Variants in PDE1A observed in about 807,000 individuals in gnomAD.
PDE1A encodes dual specificity calcium/calmodulin-dependent 3',5'-cyclic nucleotide phosphodiesterase 1A.
Under a neutral mutation model 61.7 loss-of-function variants are expected in PDE1A, and 35 were observed. That is an observed-to-expected ratio of 0.57 (90% confidence interval 0.43 to 0.75). PDE1A has a LOEUF of 0.75. Among genes scored for constraint, PDE1A ranks in the 30% least tolerant of loss-of-function variants. PDE1A has a pLI of 0.00. For synonymous variants in PDE1A, 232 were observed against 213.2 expected, an observed-to-expected ratio of 1.09 and a Z score of -0.77; for missense variants, 597 against 630.6, an observed-to-expected ratio of 0.95 and a Z score of 0.57.
the PDE1A span, among the ~76,000 whole-genome samples, chr2:182,625,141 G>A: frequency 6.6e-6 from 1 of 152,170 alleles, no homozygotes; most frequent in African/African-American, 2.4e-5. Context: ...ACTGCAAGAA[G>A]GTGGCTGTGT....
chr2:182,649,983 A>G, the PDE1A span, among the ~76,000 whole-genome samples: 4 of 152,010 alleles, frequency 2.6e-5, no homozygotes, highest in Admixed American at 1.3e-4. Context: ...GAAGGTTGAG[A>G]TAAGAGGATC....
intron 2 of PDE1A, among the ~76,000 whole-genome samples, chr2:182,247,133 A>T (rs1249911235): frequency 6.6e-6 from 1 of 152,160 alleles, no homozygotes; most frequent in African/African-American, 2.4e-5. Context: ...CTTTAGATTA[A>T]GTTGTTCCTG....
chr2:182,499,172 T>TG (rs1442620339), intron 2 of PDE1A, among the ~76,000 whole-genome samples: 1 of 111,228 alleles, frequency 9.0e-6, no homozygotes, highest in African/African-American at 3.8e-5. Context: ...CTCTTTTTCT[T>TG]GTTTTTTTTT....
At chr2:182,234,619 C>CT in intron 3 of PDE1A, 121 bp from the exon 4 acceptor site, 1 of 633,212 alleles carries the variant, frequency 1.6e-6, no homozygotes, top group Non-Finnish European at 2.8e-6. Context: ...TAGTTACAGA[C>CT]TCCCTTTGTG....
chr2:182,624,124 C>CAAAA, the PDE1A span, among the ~76,000 whole-genome samples: 8 of 109,752 alleles, frequency 7.3e-5, no homozygotes, highest in East Asian at 2.5e-4. Flanking sequence ...GACTCCGTCT[C>CAAAA]AAAAAAAAAA....
intron 1 of PDE1A, among the ~76,000 whole-genome samples, chr2:182,336,325 C>T (rs1263827638): frequency 6.6e-6 from 1 of 152,080 alleles, no homozygotes; most frequent in African/African-American, 2.4e-5. Context: ...ACACATATGT[C>T]TATTGTGGCC....
the PDE1A span, among the ~76,000 whole-genome samples, chr2:182,607,662 T>C: frequency 6.6e-6 from 1 of 152,170 alleles, no homozygotes. Flanking sequence ...TGTTCAGGGG[T>C]CAACTGCGTG....
At chr2:182,386,821 C>T (rs922258675) in intron 1 of PDE1A, among the ~76,000 whole-genome samples, 3 of 151,142 alleles carry the variant, frequency 2.0e-5, no homozygotes, top group South Asian at 2.1e-4. Flanking sequence ...TCCACCCGGC[C>T]GCCGCCCCGT....
chr2:182,321,410 C>A (rs992669210), intron 1 of PDE1A, among the ~76,000 whole-genome samples: 9 of 152,164 alleles, frequency 5.9e-5, no homozygotes, highest in Non-Finnish European at 7.3e-5. Context: ...TACAAATCAA[C>A]ATGTAGCTAT....
intron 1 of PDE1A, among the ~76,000 whole-genome samples, chr2:182,364,392 C>A (rs55856825): frequency 7.6e-6 from 1 of 131,200 alleles, no homozygotes; most frequent in East Asian, 2.3e-4. Flanking sequence ...TCTCAGTAAT[C>A]TTAAACTCTA....
chr2:182,150,259 T>C (rs1690706392), intron 13 of PDE1A, among the ~76,000 whole-genome samples: 2 of 152,222 alleles, frequency 1.3e-5, no homozygotes, highest in Non-Finnish European at 2.9e-5. Context: ...TGACCCTCTC[T>C]ATATAACTCT....
intron 2 of PDE1A, among the ~76,000 whole-genome samples, chr2:182,257,700 G>A (rs1431077298): frequency 1.3e-5 from 2 of 152,074 alleles, no homozygotes; most frequent in Non-Finnish European, 2.9e-5. Context: ...ATTTTGATTG[G>A]CCCCTATCTT....
At chr2:182,172,642 G>A (rs1692338730) in intron 13 of PDE1A, among the ~76,000 whole-genome samples, 1 of 151,988 alleles carries the variant, frequency 6.6e-6, no homozygotes, top group Non-Finnish European at 1.5e-5. Context: ...AGAACGCAAG[G>A]TAGAATATGA....
chr2:182,275,270 G>A (rs1693324226), intron 1 of PDE1A, among the ~76,000 whole-genome samples: 1 of 152,040 alleles, frequency 6.6e-6, no homozygotes, highest in South Asian at 2.1e-4. Context: ...TGTAAGAGAG[G>A]CTTCCTCAAG....
chr2:182,599,854 T>A, the PDE1A span, among the ~76,000 whole-genome samples: 2 of 152,202 alleles, frequency 1.3e-5, no homozygotes, highest in Non-Finnish European at 2.9e-5. Context: ...AAATGTAATA[T>A]CTGATTAGAT....
intron 2 of PDE1A, among the ~76,000 whole-genome samples, chr2:182,440,192 T>G (rs1456044440): frequency 2.0e-5 from 3 of 152,076 alleles, no homozygotes; most frequent in African/African-American, 7.2e-5. Flanking sequence ...AATCTCAAAC[T>G]GAAGCAATCA....
intron 1 of PDE1A, among the ~76,000 whole-genome samples, chr2:182,290,895 G>A (rs1366051629): frequency 6.6e-6 from 1 of 151,784 alleles, no homozygotes; most frequent in Non-Finnish European, 1.5e-5. Flanking sequence ...CCCCAAATCT[G>A]CTCTTACCCA....
intron 1 of PDE1A, among the ~76,000 whole-genome samples, chr2:182,409,747 T>C (rs534871660): frequency 5.6e-4 from 85 of 152,322 alleles, no homozygotes; most frequent in African/African-American, 1.9e-3. Flanking sequence ...TCCAGTCTCA[T>C]TGATCTCATT....
At chr2:182,666,386 G>T in the PDE1A span, among the ~76,000 whole-genome samples, 1 of 152,084 alleles carries the variant, frequency 6.6e-6, no homozygotes, top group African/African-American at 2.4e-5. Context: ...GGGAGGCCAA[G>T]GTGGGTGGAT....
Sources: gnomAD v4.1 joint callset for allele counts (sites outside exome capture counted in the v4.1 genomes callset) on GRCh38, gnomAD v4.1.1 for gene constraint, MANE v1.5 for transcripts, NCBI Gene and HGNC (gene_info 2026-07-23, HGNC 2026-07-21) for gene names.